MMS22L: variants seen among roughly 807,000 people sequenced by gnomAD.
MMS22L encodes the protein MMS22 like, DNA repair protein, also known as protein MMS22-like.
In MMS22L, 74 loss-of-function variants were observed where a neutral mutation model predicts 159.1. The observed-to-expected ratio is 0.47, with a 90% CI of 0.39 to 0.56. The LOEUF is 0.56. Ranked by LOEUF, MMS22L falls within the 20% of genes least tolerant of loss-of-function variation. The pLI is 0.00. For synonymous variants in MMS22L, 517 were observed against 506.9 expected (o/e 1.02, Z -0.27); for missense variants, 1,351 against 1,422.1 (o/e 0.95, Z 0.80).
chr6:97,149,782 C>A, intron 24 of MMS22L, 71 bp downstream of exon 24: 2 of 1,391,862 alleles, frequency 1.4e-6, no homozygotes, highest in Non-Finnish European at 1.9e-6. Context: ...GAAAATAAAT[C>A]ATTTCTATAA....
At chr6:97,160,704 T>C (rs1802351192) in intron 22 of MMS22L, among the ~76,000 whole-genome samples, 1 of 152,018 alleles carries the variant, frequency 6.6e-6, no homozygotes, top group Non-Finnish European at 1.5e-5. Flanking sequence ...TTTTTGGCTT[T>C]CTCTCTTCTT....
chr6:97,270,490 T>C (rs1815618688), intron 6 of MMS22L: 1 of 302,376 alleles, frequency 3.3e-6, no homozygotes, highest in Non-Finnish European at 6.5e-6. Flanking sequence ...TCTCAATTCA[T>C]GTATTAGTAT....
intron 14 of MMS22L, among the ~76,000 whole-genome samples, chr6:97,211,450 T>C (rs1808363627): frequency 6.6e-6 from 1 of 152,082 alleles, no homozygotes; most frequent in Admixed American, 6.6e-5. Context: ...ATCAAAAGAT[T>C]TCTTCTTCTT....
chr6:97,214,893 T>C (rs1237703828), intron 14 of MMS22L, among the ~76,000 whole-genome samples: 5 of 150,708 alleles, frequency 3.3e-5, no homozygotes, highest in African/African-American at 1.2e-4. Context: ...CTGTTACTGA[T>C]GATGAAAAAA....
At chr6:97,189,340 G>T (rs1475180253) in intron 14 of MMS22L, among the ~76,000 whole-genome samples, 2 of 150,582 alleles carry the variant, frequency 1.3e-5, no homozygotes, top group African/African-American at 2.4e-5. Flanking sequence ...TGGGTGGATT[G>T]CCTGAGCTCA....
intron 14 of MMS22L, among the ~76,000 whole-genome samples, chr6:97,198,548 A>G (rs1208603649): frequency 6.6e-6 from 1 of 152,146 alleles, no homozygotes; most frequent in Admixed American, 6.6e-5. Context: ...AAGAAGCACT[A>G]TGTAGGAATT....
chr6:97,208,729 G>T (rs1808053929), intron 14 of MMS22L, among the ~76,000 whole-genome samples: 1 of 151,938 alleles, frequency 6.6e-6, no homozygotes, highest in Non-Finnish European at 1.5e-5. Context: ...AGGGTATAAA[G>T]AACTGCTCTC....
Position 97,171,866 on chromosome 6 carries a change from T to A in MMS22L, c.2839+1197A>T, listed in dbSNP as rs539032250. Among the ~76,000 whole-genome samples, 7 of 152,280 alleles carry A rather than the reference T, an allele frequency of 4.6e-5. No homozygotes were observed. The South Asian group carries it at 1.5e-3, about 32-fold the overall frequency. On this transcript the variant is annotated intron_variant, in intron 19 of 24. Transcript: ENST00000683635. ...CTCTTTCTCTGTTTTATTCTAATCC[T>A]TTAACATGAAGAAATCATTAAGTTA...
At chr6:97,219,231 T>C (rs550064989) in intron 14 of MMS22L, among the ~76,000 whole-genome samples, 3 of 152,284 alleles carry the variant, frequency 2.0e-5, no homozygotes, top group East Asian at 1.9e-4. Flanking sequence ...TGTACAAGCA[T>C]GCATTTCAAG....
intron 10 of MMS22L, among the ~76,000 whole-genome samples, chr6:97,247,493 C>T (rs1812786531): frequency 6.6e-6 from 1 of 152,106 alleles, no homozygotes; most frequent in Non-Finnish European, 1.5e-5. Context: ...CTTTGGGAGG[C>T]CAAGGCAGGT....
At chr6:97,189,417 C>T (rs1024022172) in intron 14 of MMS22L, among the ~76,000 whole-genome samples, 5 of 150,980 alleles carry the variant, frequency 3.3e-5, no homozygotes, top group South Asian at 4.2e-4. Flanking sequence ...AAAAATTAGC[C>T]GGGCGTGGTG....
At chr6:97,154,351 T>G (rs1041936098) in intron 22 of MMS22L, among the ~76,000 whole-genome samples, 5 of 152,208 alleles carry the variant, frequency 3.3e-5, no homozygotes, top group Non-Finnish European at 7.3e-5. Flanking sequence ...ATATTATAGA[T>G]GCACACTCCT....
At chr6:97,164,728 T>C (rs1038485187) in intron 21 of MMS22L, among the ~76,000 whole-genome samples, 16 of 152,188 alleles carry the variant, frequency 1.1e-4, no homozygotes, top group South Asian at 6.2e-4. Context: ...GCAATTCTCC[T>C]GCCTCAGCCT....
intron 14 of MMS22L, among the ~76,000 whole-genome samples, chr6:97,221,538 CTAAA>C (rs1809650216): frequency 8.5e-6 from 1 of 117,546 alleles, no homozygotes; most frequent in Admixed American, 8.7e-5. Context: ...TAGTATATAT[CTAAA>C]TACTCAGCTG....
At chr6:97,173,446 TAAA>T (rs1481341804) in intron 18 of MMS22L, among the ~76,000 whole-genome samples, 1 of 152,062 alleles carries the variant, frequency 6.6e-6, no homozygotes, top group Admixed American at 6.6e-5. Context: ...GAAGAAATCT[TAAA>T]AACTCACCAA....
intron 14 of MMS22L, among the ~76,000 whole-genome samples, chr6:97,204,361 T>C (rs79982960): frequency 1.3e-5 from 2 of 152,276 alleles, no homozygotes; most frequent in East Asian, 3.9e-4. Flanking sequence ...ATGGTTAAGA[T>C]AACATTAACT....
intron 16 of MMS22L, 134 bp from the exon 17 acceptor site, chr6:97,179,693 G>A (rs1245968478): frequency 9.5e-6 from 6 of 630,906 alleles, no homozygotes; most frequent in South Asian, 7.2e-5. Context: ...ACACACTAAC[G>A]TAGGCATGCA....
chr6:97,243,355 CTTGT>C (rs1257109195), intron 11 of MMS22L, among the ~76,000 whole-genome samples: 9 of 151,936 alleles, frequency 5.9e-5, no homozygotes, highest in Admixed American at 3.9e-4. Flanking sequence ...CTTTCTTCTA[CTTGT>C]TTGATTCTAC....
chr6:97,206,622 T>A (rs984019497), intron 14 of MMS22L, among the ~76,000 whole-genome samples: 1 of 152,176 alleles, frequency 6.6e-6, no homozygotes, highest in Non-Finnish European at 1.5e-5. Context: ...ACAATATACC[T>A]ATCAAAAGTA....
Sources: gnomAD v4.1 joint callset for allele counts (sites outside exome capture counted in the v4.1 genomes callset) on GRCh38, gnomAD v4.1.1 for gene constraint, MANE v1.5 for transcripts, NCBI Gene and HGNC (gene_info 2026-07-23, HGNC 2026-07-21) for gene names.